Variants in KIF1C observed in about 807,000 individuals in gnomAD.
KIF1C encodes the protein kinesin-like protein KIF1C.
In KIF1C, 61 loss-of-function variants were observed where a neutral mutation model predicts 126.5. The observed-to-expected ratio is 0.48, with a 90% CI of 0.39 to 0.60. The LOEUF is 0.60. Ranked by LOEUF, KIF1C falls within the 20% of genes least tolerant of loss-of-function variation. The probability of loss-of-function intolerance (pLI) is 0.00; values close to 1 mark genes in which losing one functional copy is unlikely to be tolerated. For synonymous variants in KIF1C, 640 were observed against 580.6 expected, an observed-to-expected ratio of 1.10 and a Z score of -1.47; for missense variants, 1,315 against 1,489.2, an observed-to-expected ratio of 0.88 and a Z score of 1.93.
intron 18 of KIF1C, chr17:5,019,195 T>C (rs1171351774): frequency 6.0e-6 from 1 of 167,432 alleles, no homozygotes; most frequent in Non-Finnish European, 1.5e-5. Flanking sequence ...GTATAAGTAT[T>C]ATAATAATAA....
chr17:5,020,649 C>A lies in KIF1C; in HGVS notation c.1908C>A (p.Gly636=). 1.2e-6 allele frequency: 2 copies of A among 1,614,146 alleles called. No individual in the cohort carries two copies. The highest frequency in any genetic ancestry group is 1.7e-6 in the Non-Finnish European group (2 of 1,179,988). ...FAQKELLEQQ[G]IDIKLEMEKR... is the part of the protein sequence containing the mutation. Reference sequence around the variant, plus strand: ...AGAAGGAACTGCTGGAGCAGCAAGGCATCGACATAAAGCTGGAAATGGAGA... The same window carrying A: ...AGAAGGAACTGCTGGAGCAGCAAGGAATCGACATAAAGCTGGAAATGGAGA... Residue 636 remains glycine, a synonymous_variant, in exon 20 of 23, where the codon GGC becomes GGA. Transcript: ENST00000320785. The surrounding 1 kb of genome is among the most constrained non-coding windows in gnomAD (Gnocchi z 5.8).
In KIF1C at chr17:5,004,954, G is replaced by A. The variant is rs1341023528; in HGVS notation, c.1119G>A (p.Leu373=). Residue 373 remains leucine, a synonymous_variant, in exon 13 of 23, where the codon CTG becomes CTA. Transcript: ENST00000320785. ...AGCTGCAGGAGGAAGTAGCCCGGCT[G>A]CGGGAACTGCTGATGGCTCAGGGAC... ...IRELQEEVAR[L]RELLMAQGLS... is the part of the protein sequence containing the mutation. 1.2e-6 allele frequency: 2 copies of A among 1,614,136 alleles called. No individual in the cohort carries two copies. The highest frequency in any genetic ancestry group is 4.5e-5 in the East Asian group (2 of 44,896).
chr17:5,008,940 G>C (rs920760377), intron 16 of KIF1C, among the ~76,000 whole-genome samples: 2 of 152,132 alleles, frequency 1.3e-5, no homozygotes, highest in Non-Finnish European at 2.9e-5. Flanking sequence ...TGGGGTGGAG[G>C]TTTCTTCCTT....
At chr17:5,004,424 A>T in intron 11 of KIF1C, 143 bp from the exon 12 acceptor site, 1 of 737,908 alleles carries the variant, frequency 1.4e-6, no homozygotes, top group Non-Finnish European at 2.4e-6. Flanking sequence ...TGTCATGGTT[A>T]GCTCCACCCC....
At chr17:5,007,232 A>G (rs1974755886) in intron 14 of KIF1C, 31 bp from the exon 15 acceptor site, 1 of 1,593,968 alleles carries the variant, frequency 6.3e-7, no homozygotes, top group African/African-American at 1.3e-5. Flanking sequence ...GTCCCAGACC[A>G]TCCTGAAACC....
chr17:5,016,907 A>G (rs2143366352), intron 18 of KIF1C, among the ~76,000 whole-genome samples: 1 of 151,834 alleles, frequency 6.6e-6, no homozygotes, highest in African/African-American at 2.4e-5. Context: ...CTGTTTCAAA[A>G]AAAAAAAAAA....
Position 5,023,452 on chromosome 17 carries a change from C to T in KIF1C, c.2629-16C>T, listed in dbSNP as rs781580540. ...CTCCTCACATCCCTTCTCCTTTTCTCACTCCTCCCTCCCAGGATCATGAGG... is the reference window on the plus strand; with the variant it reads ...CTCCTCACATCCCTTCTCCTTTTCTTACTCCTCCCTCCCAGGATCATGAGG... On this transcript the variant is annotated splice_polypyrimidine_tract_variant and intron_variant, in intron 22 of 22. Coordinates refer to ENST00000320785, the MANE Select transcript of KIF1C (RefSeq NM_006612.6). The surrounding 1 kb of genome is among the most constrained non-coding windows in gnomAD (Gnocchi z 4.2). 1 of 1,609,222 alleles carries T rather than the reference C, an allele frequency of 6.2e-7. No homozygotes were observed. The highest frequency in any genetic ancestry group is 1.1e-5 in the South Asian group (1 of 90,756).
At chr17:5,010,193 T>C (rs1398190190) in intron 16 of KIF1C, among the ~76,000 whole-genome samples, 1 of 152,224 alleles carries the variant, frequency 6.6e-6, no homozygotes, top group African/African-American at 2.4e-5. Context: ...CCTGAAGTGC[T>C]GGTATTACAG....
intron 4 of KIF1C, among the ~76,000 whole-genome samples, 175 bp downstream of exon 4, chr17:5,001,023 G>A (rs940991564): frequency 2.6e-5 from 4 of 152,072 alleles, no homozygotes; most frequent in African/African-American, 9.7e-5. Context: ...TCGACAGGAA[G>A]GCGGAATCCC....
At chr17:5,017,363 G>A (rs778099246) in intron 18 of KIF1C, among the ~76,000 whole-genome samples, 3 of 144,750 alleles carry the variant, frequency 2.1e-5, no homozygotes, top group African/African-American at 5.2e-5. Flanking sequence ...GCAGTGGCGC[G>A]ATCTCGGCTC....
In KIF1C at chr17:5,026,967, C is replaced by T. The variant is rs529752649; in HGVS notation, c.*2816C>T. ...AATCAAAAATAATACTGTGGGCAAA[C>T]TTTACTTAGATTTTATTCAGAGTAG... On this transcript the variant is annotated 3_prime_UTR_variant, in exon 23 of 23. Coordinates refer to ENST00000320785, the MANE Select transcript of KIF1C (RefSeq NM_006612.6). The T allele has an allele frequency of 6.6e-6, 1 of 152,170 alleles. No homozygotes were observed. The highest frequency in any genetic ancestry group is 2.4e-5 in the African/African-American group (1 of 41,520). The allele number at this position is 152,170 out of a possible 1,614,324, so 9.4% of individuals were successfully genotyped here.
rs762953648 is a variant in KIF1C, at chr17:5,007,556, C to A, written c.1491+14C>A. Reference sequence around the variant, plus strand: ...TCTCCAAAGAAGGTGAGTGAGGAATCGAGCGAGGAGGCCTAGAGAGCTCTC... The same window carrying A: ...TCTCCAAAGAAGGTGAGTGAGGAATAGAGCGAGGAGGCCTAGAGAGCTCTC... On this transcript the variant is annotated intron_variant, in intron 16 of 22. Transcript: ENST00000320785. 2 of 1,538,544 alleles carry A rather than the reference C, an allele frequency of 1.3e-6. No individual in the cohort carries two copies. Among genetic ancestry groups the A allele is most frequent in the Non-Finnish European group, 1.7e-6 (2 of 1,143,846 alleles).
intron 16 of KIF1C, among the ~76,000 whole-genome samples, chr17:5,012,494 G>C (rs1011564918): frequency 3.3e-5 from 5 of 152,068 alleles, no homozygotes; most frequent in Non-Finnish European, 7.4e-5. Context: ...AGCCTGGGAG[G>C]GGGGCTTGGA....
rs1394032078 is a variant in KIF1C at position 5,002,103 on chromosome 17, T to C, written c.408T>C (p.Ala136=). Residue 136 remains alanine, a synonymous_variant, in exon 6 of 23, where the codon GCT becomes GCC. Transcript: ENST00000320785. ...LFSRVSENQS[A]QLSYSVEVSY... The stretch of plus-strand genomic sequence containing the variant: ...CTCGCGTTAGTGAGAACCAGAGTGC[T>C]CAGCTATCCTACTCTGTGGAGGTAA... 2.5e-6 allele frequency: 4 copies of C among 1,613,970 alleles called. No homozygotes were observed. Among genetic ancestry groups the C allele is most frequent in the Non-Finnish European group, 3.4e-6 (4 of 1,179,992 alleles).
In KIF1C at chr17:5,000,840, C is replaced by T; in HGVS notation, c.175C>T (p.His59Tyr). The change falls in exon 4 of 23, where the codon CAC becomes TAC. Residue 59 changes from histidine (H) to tyrosine (Y), a missense_variant. Transcript: ENST00000320785. ...SFTFDYSYWS[H>Y]TSTEDPQFAS... is the part of the protein sequence containing the mutation. ...CACCTTTGACTACTCCTACTGGTCA[C>T]ACACTTCGGTGGGTTGTTGGGCTGG... 1 of 1,613,986 alleles carries T rather than the reference C, an allele frequency of 6.2e-7. No individual in the cohort carries two copies. Among genetic ancestry groups the T allele is most frequent in the Non-Finnish European group, 8.5e-7 (1 of 1,179,912 alleles).
intron 12 of KIF1C, 105 bp downstream of exon 12, chr17:5,004,750 A>T (rs1974686822): frequency 1.3e-6 from 2 of 1,591,642 alleles, no homozygotes; most frequent in Non-Finnish European, 1.7e-6. Flanking sequence ...GAGATGCCGG[A>T]GCCTTGCCAC....
intron 4 of KIF1C, among the ~76,000 whole-genome samples, 165 bp downstream of exon 4, chr17:5,001,013 T>TC (rs892886864): frequency 4.0e-5 from 6 of 151,886 alleles, no homozygotes; most frequent in African/African-American, 1.5e-4. Context: ...GATTGAGGCC[T>TC]CGACAGGAAG....
At position 5,002,836 on chromosome 17, in the gene KIF1C, G is replaced by A. The variant is rs368886383; in HGVS notation, c.714G>A (p.Ser238=). 46 of 1,604,030 alleles carry A rather than the reference G, an allele frequency of 2.9e-5. No homozygotes were observed. Among genetic ancestry groups the A allele is most frequent in the Middle Eastern group, 3.5e-4 (2 of 5,790 alleles). Reference sequence around the variant, plus strand: ...ATGACCAGCTCACGGGGCTGGACTCGGAGAAGGTGGGATCGCCCCCCCCCC... The same window carrying A: ...ATGACCAGCTCACGGGGCTGGACTCAGAGAAGGTGGGATCGCCCCCCCCCC... ...RCHDQLTGLD[S]EKVSKISLVD... Residue 238 remains serine, a synonymous_variant, in exon 8 of 23, where the codon TCG becomes TCA. Transcript: ENST00000320785.
At chr17:5,002,877 T>A (rs1455267468) in intron 8 of KIF1C, 35 bp downstream of exon 8, 1 of 1,393,008 alleles carries the variant, frequency 7.2e-7, no homozygotes, top group Admixed American at 2.0e-5. Context: ...CCCCACCGGA[T>A]GCAACCTCCC....
Sources: gnomAD v4.1 joint callset for allele counts (sites outside exome capture counted in the v4.1 genomes callset) on GRCh38, gnomAD v4.1.1 for gene constraint, Gnocchi (gnomAD v3.1) non-coding constraint, MANE v1.5 for transcripts, NCBI Gene and HGNC (gene_info 2026-07-23, HGNC 2026-07-21) for gene names.